Variants in APRT observed in about 807,000 individuals in gnomAD.
APRT encodes adenine phosphoribosyltransferase, also known as AMP diphosphorylase.
Under a neutral mutation model 21.0 loss-of-function variants are expected in APRT, and 25 were observed. That is an observed-to-expected ratio of 1.19 (90% CI 0.87 to 1.66). The LOEUF (loss-of-function observed/expected upper bound fraction) is 1.66, where lower values mean the gene tolerates loss of function less well. Among genes scored for constraint, APRT ranks in the 40% most tolerant of loss-of-function variants. APRT has a pLI of 0.00. For missense variants in APRT, 294 were observed against 232.7 expected, an observed-to-expected ratio of 1.26 and a Z score of -1.72; for synonymous variants, 153 against 109.0, an observed-to-expected ratio of 1.40 and a Z score of -2.52.
At position 88,809,574 on chromosome 16, in the gene APRT, G is replaced by A; in HGVS notation, c.*124C>T. 1 of 1,477,068 alleles carries A rather than the reference G, an allele frequency of 6.8e-7. No homozygotes were observed. The highest frequency in any genetic ancestry group is 1.2e-5 in the South Asian group (1 of 86,452). 91.5% of individuals were successfully genotyped at this position (1,477,068 alleles called of 1,614,324 possible). ...TTTGGCACTTCCAGCCCCAGGAGAGGCGCTGAACCCCAGCAAAGGAATGTG... is the reference window on the plus strand; with the variant it reads ...TTTGGCACTTCCAGCCCCAGGAGAGACGCTGAACCCCAGCAAAGGAATGTG... On this transcript the variant is annotated 3_prime_UTR_variant, in exon 5 of 5. Transcript: ENST00000378364.
intron 2 of APRT, among the ~76,000 whole-genome samples, chr16:88,811,007 C>G (rs2031653620): frequency 6.6e-6 from 1 of 152,128 alleles, no homozygotes; most frequent in South Asian, 2.1e-4. Flanking sequence ...GAAGGGAGCT[C>G]TGGCAGTGTT....
chr16:88,809,569 G>A lies in APRT; in HGVS notation c.*129C>T. 6.9e-7 allele frequency: 1 copy of A among 1,439,022 alleles called. No homozygotes were observed. The allele number at this position is 1,439,022 out of a possible 1,614,324, so 89.1% of individuals were successfully genotyped here. ...CAGGCTTTGGCACTTCCAGCCCCAG[G>A]AGAGGCGCTGAACCCCAGCAAAGGA... On this transcript the variant is annotated 3_prime_UTR_variant, in exon 5 of 5. Coordinates refer to ENST00000378364, the MANE Select transcript of APRT (RefSeq NM_000485.3).
At position 88,809,514 on chromosome 16, in the gene APRT, G is replaced by A; in HGVS notation, c.*184C>T. The A allele has an allele frequency of 1.1e-6, 1 of 942,182 alleles. No individual in the cohort carries two copies. Among genetic ancestry groups the A allele is most frequent in the African/African-American group, 1.6e-5 (1 of 61,604 alleles). 58.4% of individuals were successfully genotyped at this position (942,182 alleles called of 1,614,324 possible). A position where few individuals can be genotyped will look rare whatever the true frequency, so the allele number is the denominator to read the frequency against. ...GCGTTCTCCCGCTGTGTGTAATTGG[G>A]TTCAGTGTGGCTGAAACACAGCTTT... On this transcript the variant is annotated 3_prime_UTR_variant, in exon 5 of 5. Transcript: ENST00000378364.
rs200417820 is a variant in APRT, at chr16:88,810,474, C to A, written c.270G>T (p.Gly90=). ...GLGCVLIRKR[G]KLPGPTLWAS... ...CCCACAGAGTGGGGCCTGGCAGCTT[C>A]CCCCGCTTTCGGATGAGCACGCAGC... The change falls in exon 3 of 5, where the codon GGG becomes GGT. Residue 90 remains glycine, a synonymous_variant. Coordinates refer to ENST00000378364, the MANE Select transcript of APRT (RefSeq NM_000485.3). 3.7e-6 allele frequency: 6 copies of A among 1,612,100 alleles called. No individual in the cohort carries two copies. Among genetic ancestry groups the A allele is most frequent in the South Asian group, 1.1e-5 (1 of 91,074 alleles).
At chr16:88,810,983 C>T (rs1169914353) in intron 2 of APRT, among the ~76,000 whole-genome samples, 1 of 152,106 alleles carries the variant, frequency 6.6e-6, no homozygotes, top group Non-Finnish European at 1.5e-5. Context: ...GGGAGGGCTT[C>T]CTGCAGGAGG....
At position 88,811,599 on chromosome 16, in the gene APRT, C is replaced by T; in HGVS notation, c.138G>A (p.Leu46=). The T allele has an allele frequency of 6.2e-7, 1 of 1,604,440 alleles. No homozygotes were observed. The highest frequency in any genetic ancestry group is 8.5e-7 in the Non-Finnish European group (1 of 1,176,368). ...PASFRAAIGL[L]ARHLKATHGG... ...CGTGGGTCGCCTTCAGGTGTCGCGC[C>T]AGGAGGCCGATGGCGGCGCGGAAGG... Residue 46 remains leucine (L), a synonymous_variant, in exon 2 of 5, where the codon CTG becomes CTA. Transcript: ENST00000378364.
In APRT at chr16:88,810,405, C is replaced by T. The variant is rs1392501830; in HGVS notation, c.321+18G>A. ...TGGCCTGGCCCTGCCCTTCCTCTGG[C>T]CACCCCAGCCCTCTTACCTTCCCGT... On this transcript the variant is annotated intron_variant, in intron 3 of 4. Coordinates refer to ENST00000378364, the MANE Select transcript of APRT (RefSeq NM_000485.3). 12 of 1,610,594 alleles carry T rather than the reference C, an allele frequency of 7.5e-6. No homozygotes were observed. The highest frequency in any genetic ancestry group is 1.3e-5 in the African/African-American group (1 of 74,926).
At position 88,811,379 on chromosome 16, in the gene APRT, C is replaced by G. The variant is rs8191474; in HGVS notation, c.187+171G>C. The G allele has an allele frequency of 2.4e-3, 1,657 of 702,400 alleles. 15 individuals carry two copies. Among genetic ancestry groups the G allele is most frequent in the African/African-American group, 0.023 (1,245 of 53,726 alleles). 43.5% of individuals were successfully genotyped at this position (702,400 alleles called of 1,614,324 possible). On this transcript the variant is annotated intron_variant, in intron 2 of 4. Coordinates refer to ENST00000378364, the MANE Select transcript of APRT (RefSeq NM_000485.3). ...AAGGACGCCTGCACAGCGCGGCGGC[C>G]TCGGGGGCTCAATCTCACAACCCTT...
At chr16:88,810,386 G>T (rs200953386) in intron 3 of APRT, 37 bp downstream of exon 3, 1 of 1,608,528 alleles carries the variant, frequency 6.2e-7, no homozygotes, top group East Asian at 2.2e-5. Flanking sequence ...ACGGTGGCCT[G>T]GCCCTGCCCT....
intron 4 of APRT, 97 bp downstream of exon 4, chr16:88,809,973 A>G: frequency 6.4e-7 from 1 of 1,567,672 alleles, no homozygotes; most frequent in Non-Finnish European, 8.7e-7. Flanking sequence ...CACCCTCTGG[A>G]CAACAGTAAG....
rs766484349 is a variant in APRT at position 88,809,614 on chromosome 16, C to G, written c.*84G>C. 4.8e-5 allele frequency: 76 copies of G among 1,590,778 alleles called. No homozygotes were observed. The highest frequency in any genetic ancestry group is 6.3e-5 in the Non-Finnish European group (73 of 1,162,024). On this transcript the variant is annotated 3_prime_UTR_variant, in exon 5 of 5. Transcript: ENST00000378364. ...AAAGGAATGTGTTCCCTGTGGGCAG[C>G]CGGTGCCCCTGGTCACTGCAGTTGC...
Position 88,809,737 on chromosome 16 carries a change from C to T in APRT, c.504G>A (p.Leu168=), listed in dbSNP as rs1597508653. 6.2e-7 allele frequency: 1 copy of T among 1,613,432 alleles called. No homozygotes were observed. Among genetic ancestry groups the T allele is most frequent in the South Asian group, 1.1e-5 (1 of 91,090 alleles). The change falls in exon 5 of 5, where the codon CTG becomes CTA. Residue 168 remains leucine, a synonymous_variant. Transcript: ENST00000378364. The part of the protein sequence containing the change: ...ELTSLKGREK[L]APVPFFSLLQ... ...GGAGAGAGAAGAAGGGTACAGGTGCCAGCTTCTCCCTGCCCTTAAGCGAGG... is the reference window on the plus strand; with the variant it reads ...GGAGAGAGAAGAAGGGTACAGGTGCTAGCTTCTCCCTGCCCTTAAGCGAGG...
At chr16:88,810,625 C>G (rs1305525032) in intron 2 of APRT, 69 bp from the exon 3 acceptor site, 1 of 1,570,474 alleles carries the variant, frequency 6.4e-7, no homozygotes, top group Non-Finnish European at 8.6e-7. Context: ...TGGCCGGTGG[C>G]AAGGGGTACC....
chr16:88,811,505 C>A, intron 2 of APRT, 45 bp downstream of exon 2: 1 of 1,525,160 alleles, frequency 6.6e-7, no homozygotes, highest in Non-Finnish European at 8.9e-7. Flanking sequence ...GCCCTCGGCG[C>A]GCGCAGAGGC....
intron 3 of APRT, 111 bp downstream of exon 3, chr16:88,810,312 T>C (rs781444386): frequency 5.1e-5 from 78 of 1,543,574 alleles, no homozygotes; most frequent in African/African-American, 1.5e-4. Context: ...CCAAGGCCAC[T>C]GTAACCACAG....
intron 1 of APRT, 71 bp downstream of exon 1, chr16:88,811,749 G>A (rs994395901): frequency 1.3e-6 from 2 of 1,505,254 alleles, no homozygotes; most frequent in East Asian, 2.6e-5. Flanking sequence ...CCCGCCCGGA[G>A]GTCGCGGGCC....
rs538034163 is a variant in APRT at position 88,811,819 on chromosome 16, C to T, written c.80+1G>A. On this transcript the variant is annotated splice_donor_variant, in intron 1 of 4. Coordinates refer to ENST00000378364, the MANE Select transcript of APRT (RefSeq NM_000485.3). LOFTEE classifies it high-confidence loss of function. Reference sequence around the variant, plus strand: ...GCCACGAGGGCGGCCTGTGCGTGCACCTGAATACCACGCCTGGGGTGGGGA... The same window carrying T: ...GCCACGAGGGCGGCCTGTGCGTGCATCTGAATACCACGCCTGGGGTGGGGA... 4 of 1,567,340 alleles carry T rather than the reference C, an allele frequency of 2.6e-6. No individual in the cohort carries two copies. Among genetic ancestry groups the T allele is most frequent in the South Asian group, 1.2e-5 (1 of 85,348 alleles).
Position 88,809,553 on chromosome 16 carries a change from G to A in APRT, c.*145C>T. The A allele has an allele frequency of 7.6e-7, 1 of 1,323,782 alleles. No homozygotes were observed. Among genetic ancestry groups the A allele is most frequent in the Non-Finnish European group, 1.1e-6 (1 of 939,578 alleles). 82.0% of individuals were successfully genotyped at this position (1,323,782 alleles called of 1,614,324 possible). ...AAACACAGCTTTGCCCCAGGCTTTG[G>A]CACTTCCAGCCCCAGGAGAGGCGCT... On this transcript the variant is annotated 3_prime_UTR_variant, in exon 5 of 5. Transcript: ENST00000378364.
rs1909031834 is a variant in APRT at position 88,809,692 on chromosome 16, C to G, written c.*6G>C. ...GCTGGAGATGTTGGGCTGGGAGGCC[C>G]TGTGGTCACTCATACTGCAGGAGAG... On this transcript the variant is annotated 3_prime_UTR_variant, in exon 5 of 5. Transcript: ENST00000378364. 1 of 1,613,320 alleles carries G rather than the reference C, an allele frequency of 6.2e-7. No individual in the cohort carries two copies. The highest frequency in any genetic ancestry group is 8.5e-7 in the Non-Finnish European group (1 of 1,179,998).
Sources: gnomAD v4.1 joint callset for allele counts (sites outside exome capture counted in the v4.1 genomes callset) on GRCh38, gnomAD v4.1.1 for gene constraint, MANE v1.5 for transcripts, NCBI Gene and HGNC (gene_info 2026-07-23, HGNC 2026-07-21) for gene names.